The following DEPDC5 variants were observed in gnomAD, a reference collection of about 807,000 sequenced individuals.
DEPDC5 encodes DEP domain containing 5, GATOR1 subcomplex subunit.
DEPDC5 carries 73 observed loss-of-function variants against 217.3 expected under a neutral mutation model. The observed-to-expected ratio is 0.34, with a 90% CI of 0.28 to 0.41. The LOEUF (loss-of-function observed/expected upper bound fraction) is 0.41, where lower values mean the gene tolerates loss of function less well. Ranked by LOEUF, DEPDC5 falls within the 10% of genes least tolerant of loss-of-function variation. The pLI is 1.00. For missense variants in DEPDC5, 1,675 were observed against 2,070.1 expected (o/e 0.81, Z 3.70); for synonymous variants, 733 against 756.7 (o/e 0.97, Z 0.51).
chr22:31,815,054 G>T lies in DEPDC5; in HGVS notation c.1508G>T (p.Ser503Ile), dbSNP rs2088913081. ...GCCAGCTCCTGTGATGTTTCATCCA[G>T]CCCTTCCCTACCAAGCCGCACACTG... Reference protein sequence around the residue: ...KSASSCDVSSSPSLPSRTLPT... With the variant: ...KSASSCDVSSIPSLPSRTLPT... The change falls in exon 21 of 43, where the codon AGC becomes ATC. Residue 503 changes from serine to isoleucine, a missense_variant. Physicochemically the swap from Ser to Ile is moderately radical, Grantham distance 142. This residue lies in a region of DEPDC5 where 628 missense variants were observed against 762.1 expected (regional missense o/e 0.82). Coordinates refer to ENST00000651528, the MANE Select transcript of DEPDC5 (RefSeq NM_001242896.3). 6.2e-7 allele frequency: 1 copy of T among 1,614,182 alleles called. No homozygotes were observed. The highest frequency in any genetic ancestry group is 8.5e-7 in the Non-Finnish European group (1 of 1,180,034).
intron 28 of DEPDC5, 106 bp downstream of exon 28, chr22:31,843,318 G>A: frequency 8.1e-7 from 1 of 1,241,888 alleles, no homozygotes; most frequent in Non-Finnish European, 1.1e-6. Context: ...TCAGTGGTTG[G>A]TTTTTCTTTT....
intron 7 of DEPDC5, among the ~76,000 whole-genome samples, chr22:31,772,421 G>C (rs1275547264): frequency 6.6e-6 from 1 of 152,188 alleles, no homozygotes; most frequent in Non-Finnish European, 1.5e-5. Flanking sequence ...TGCAGAGCCA[G>C]TGTTTAGCCA....
At chr22:31,879,081 CG>C (rs2093098609) in intron 37 of DEPDC5, among the ~76,000 whole-genome samples, 1 of 134,160 alleles carries the variant, frequency 7.5e-6, no homozygotes, top group Non-Finnish European at 1.5e-5. Context: ...CACACACACA[CG>C]TATATATATA....
At chr22:31,815,300 G>T (rs1442827425) in intron 21 of DEPDC5, 88 bp downstream of exon 21, 5 of 1,375,732 alleles carry the variant, frequency 3.6e-6, no homozygotes, top group Non-Finnish European at 4.1e-6. Flanking sequence ...CAGAGGTGGG[G>T]TGTAAATCCC....
Position 31,837,822 on chromosome 22 carries a change from C to T in DEPDC5, c.2354+667C>T, listed in dbSNP as rs141844361. Among the ~76,000 whole-genome samples the T allele has an allele frequency of 1.8e-3, 277 of 152,212 alleles. 1 individual carries two copies. Among genetic ancestry groups the T allele is most frequent in the African/African-American group, 6.5e-3 (268 of 41,524 alleles). On this transcript the variant is annotated intron_variant, in intron 26 of 42. Transcript: ENST00000651528. ...GTTCAAGCGATTCTCACGTCTCAGC[C>T]TCCTGAGTAGCTGGGACTACAGGCG...
At chr22:31,792,709 C>T in intron 11 of DEPDC5, 36 bp from the exon 12 acceptor site, 8 of 1,479,902 alleles carry the variant, frequency 5.4e-6, no homozygotes, top group Non-Finnish European at 7.2e-6. Context: ...TTTCTCTTCT[C>T]AGCCTGAACT....
chr22:31,837,315 T>TA (rs1295937033), intron 26 of DEPDC5, 160 bp downstream of exon 26: 3 of 709,366 alleles, frequency 4.2e-6, no homozygotes, highest in South Asian at 2.3e-5. Flanking sequence ...TAAAAAATTT[T>TA]AAAAAAACAT....
rs114362281 is a variant in DEPDC5 at position 31,836,142 on chromosome 22, T to A, written c.2171-830T>A. 9.4e-3 allele frequency among the ~76,000 whole-genome samples: 1,432 copies of A among 152,356 alleles called. 27 individuals carry two copies. The highest frequency in any genetic ancestry group is 0.031 in the African/African-American group (1,295 of 41,582). ...GAGGATTTTCCTAACCAGGGAGGAT[T>A]TCCCTCCCCCAGGGGAACATGTCAA... On this transcript the variant is annotated intron_variant, in intron 25 of 42. Transcript: ENST00000651528.
chr22:31,761,297 C>G (rs1431826131), intron 4 of DEPDC5, among the ~76,000 whole-genome samples: 1 of 152,044 alleles, frequency 6.6e-6, no homozygotes, highest in African/African-American at 2.4e-5. Flanking sequence ...TTGTATTTTT[C>G]AACCTTCATT....
At chr22:31,830,935 A>G (rs1443453757) in intron 24 of DEPDC5, 1 of 152,046 alleles carries the variant, frequency 6.6e-6, no homozygotes, top group Non-Finnish European at 1.5e-5. Context: ...TGTTTTGCAA[A>G]TGCCAGTTTG....
At position 31,778,146 on chromosome 22, in the gene DEPDC5, G is replaced by A. The variant is rs1261666625; in HGVS notation, c.461G>A (p.Gly154Asp). Residue 154 changes from glycine to aspartate, a missense_variant, in exon 8 of 43, where the codon GGC becomes GAC. Physicochemically the swap from Gly to Asp is moderately conservative, Grantham distance 94 (BLOSUM62 -1). Coordinates refer to ENST00000651528, the MANE Select transcript of DEPDC5 (RefSeq NM_001242896.3). ...GTTAAGAATGAGAAGGTCATGTGTG[G>A]CTACATCAGTGAAGATACCAGGGTA... ...LWVKNEKVMC[G>D]YISEDTRVVF... 3 of 1,614,056 alleles carry A rather than the reference G, an allele frequency of 1.9e-6. No individual in the cohort carries two copies. Among genetic ancestry groups the A allele is most frequent in the South Asian group, 1.1e-5 (1 of 91,086 alleles).
chr22:31,845,070 T>A lies in DEPDC5; in HGVS notation c.2854T>A (p.Cys952Ser), dbSNP rs1171233147. ...GACCCGCTTCCTGCTGCTGCCAGCC[T>A]GTGTCACCGCCACCAAGCGCATCAC... ...WRTRFLLLPA[C>S]VTATKRITEG... Residue 952 changes from cysteine (C) to serine (S), a missense_variant, in exon 30 of 43, where the codon TGT (cysteine) becomes AGT (serine). Around this residue, in one of 11 missense-constraint regions of DEPDC5, gnomAD observed 293 missense variants for 386.1 expected, o/e 0.76. Coordinates refer to ENST00000651528, the MANE Select transcript of DEPDC5 (RefSeq NM_001242896.3). The A allele has an allele frequency of 1.9e-6, 3 of 1,614,148 alleles. No individual in the cohort carries two copies. In the South Asian group the frequency reaches 3.3e-5, roughly 18 times the overall value.
At chr22:31,870,771 G>C (rs1338953954) in intron 34 of DEPDC5, 27 bp downstream of exon 34, 3 of 1,511,646 alleles carry the variant, frequency 2.0e-6, no homozygotes, top group Non-Finnish European at 2.7e-6. Context: ...CCAAACTCAT[G>C]TTCCTGGGGA....
chr22:31,879,544 C>T lies in DEPDC5; in HGVS notation c.3825C>T (p.Ala1275=). 6.2e-7 allele frequency: 1 copy of T among 1,611,318 alleles called. No individual in the cohort carries two copies. The highest frequency in any genetic ancestry group is 8.5e-7 in the Non-Finnish European group (1 of 1,180,004). ...TCCCAGTGGCCATGCAGCAGCCCGC[C>T]ACCACCTGGCACACAGCAGGAGTGG... is the stretch of plus-strand genomic sequence containing the variant. The part of the protein sequence containing the change: ...EPDRVAMQQP[A]TTWHTAGVDD... Residue 1275 remains alanine (A), a synonymous_variant, in exon 38 of 43, where the codon GCC becomes GCT. Transcript: ENST00000651528.
intron 34 of DEPDC5, among the ~76,000 whole-genome samples, chr22:31,872,486 A>G (rs1299225455): frequency 2.6e-5 from 4 of 152,226 alleles, no homozygotes; most frequent in African/African-American, 9.6e-5. Context: ...GCTGAGGCCA[A>G]GAAAAGCTAT....
intron 3 of DEPDC5, among the ~76,000 whole-genome samples, chr22:31,759,057 C>T (rs1476413387): frequency 1.3e-5 from 2 of 151,960 alleles, no homozygotes; most frequent in African/African-American, 4.8e-5. Flanking sequence ...CTCAGCCTCC[C>T]GAGTAGCTGA....
chr22:31,773,041 A>G (rs1191730461), intron 7 of DEPDC5, among the ~76,000 whole-genome samples: 1 of 152,100 alleles, frequency 6.6e-6, no homozygotes, highest in Non-Finnish European at 1.5e-5. Flanking sequence ...GTTGGCCTCC[A>G]AAAGTGATGA....
chr22:31,867,592 A>C (rs2092722730), intron 33 of DEPDC5, among the ~76,000 whole-genome samples: 1 of 152,196 alleles, frequency 6.6e-6, no homozygotes, highest in Admixed American at 6.5e-5. Flanking sequence ...TGCTTTTGTA[A>C]ATGAAGTTTT....
intron 38 of DEPDC5, chr22:31,891,287 T>C: frequency 2.0e-6 from 1 of 506,392 alleles, no homozygotes; most frequent in South Asian, 1.8e-5. Context: ...GCAAAAAACA[T>C]ATCACTTAAA....
Sources: gnomAD v4.1 joint callset for allele counts (sites outside exome capture counted in the v4.1 genomes callset) on GRCh38, gnomAD v4.1.1 for gene constraint, gnomAD v4.1.1 regional missense constraint, MANE v1.5 for transcripts, NCBI Gene and HGNC (gene_info 2026-07-23, HGNC 2026-07-21) for gene names.